The following RINL variants were observed in gnomAD, a reference collection of about 807,000 sequenced individuals.
RINL encodes the protein ras and Rab interactor-like protein.
In RINL, 39 loss-of-function variants were observed where a neutral mutation model predicts 58.1. That is an observed-to-expected ratio of 0.67 (90% CI 0.52 to 0.88). The LOEUF (loss-of-function observed/expected upper bound fraction) is 0.88. RINL is among the 40% of genes least tolerant of loss of function. The pLI is 0.00. For synonymous variants in RINL, 286 were observed against 323.1 expected, an observed-to-expected ratio of 0.89 and a Z score of 1.23; for missense variants, 711 against 749.2, an observed-to-expected ratio of 0.95 and a Z score of 0.60.
Position 38,870,588 on chromosome 19 carries a change from T to TG in RINL, c.1005dup (p.Lys336GlnfsTer152), listed in dbSNP as rs746936592. The TG allele has an allele frequency of 1.9e-6, 3 of 1,583,604 alleles. No homozygotes were observed. The highest frequency in any genetic ancestry group is 2.6e-6 in the Non-Finnish European group (3 of 1,165,000). ...CCATTACCTGGATCCTCGTCCTTCT[T>TG]GGGGAGCCCAGGACCCCTGCTTCCA... is the stretch of plus-strand genomic sequence containing the variant. On this transcript the variant is annotated frameshift_variant, in exon 8 of 12. Transcript: ENST00000591812. LOFTEE classifies it high-confidence loss of function. The surrounding 1 kb of genome is among the most constrained non-coding windows in gnomAD (Gnocchi z 5.8).
At position 38,870,536 on chromosome 19, in the gene RINL, AC is replaced by A; in HGVS notation, c.1024+33del. ...GGAGAGGACGAAGTTGCACACTTGA[AC>A]CCGTGGGGGCTCCCTTCCAGTCCTC... On this transcript the variant is annotated intron_variant, in intron 8 of 11. Transcript: ENST00000591812. This position sits in a 1 kb window ranked among gnomAD's most constrained non-coding sequence, Gnocchi z 5.8. 1 of 1,521,226 alleles carries A rather than the reference AC, an allele frequency of 6.6e-7. No individual in the cohort carries two copies. Among genetic ancestry groups the A allele is most frequent in the Non-Finnish European group, 8.8e-7 (1 of 1,135,848 alleles). 94.2% of individuals were successfully genotyped at this position (1,521,226 alleles called of 1,614,324 possible).
rs1360608880 is a variant in RINL, at chr19:38,869,206, G to T, written c.1639-40C>A. The T allele has an allele frequency of 5.0e-6, 8 of 1,613,952 alleles. No homozygotes were observed. The highest frequency in any genetic ancestry group is 4.0e-5 in the African/African-American group (3 of 74,912). On this transcript the variant is annotated intron_variant, in intron 11 of 11. Transcript: ENST00000591812. This position sits in a 1 kb window ranked among gnomAD's most constrained non-coding sequence, Gnocchi z 5.7. The stretch of plus-strand genomic sequence containing the variant: ...GGGAGCTGGGTCAGAAGGGCACCAG[G>T]TCTCACCCTCCCTTCTACTTGCAGC...
Position 38,871,780 on chromosome 19 carries a change from C to T in RINL, c.386+18G>A, listed in dbSNP as rs755829664. The T allele has an allele frequency of 6.2e-7, 1 of 1,613,862 alleles. No homozygotes were observed. Among genetic ancestry groups the T allele is most frequent in the Non-Finnish European group, 8.5e-7 (1 of 1,179,732 alleles). The stretch of plus-strand genomic sequence containing the variant: ...TAGGGAAGGGTCCCCCTTAGTGCCT[C>T]AGATGGGTGACCTGTACCTGCTGGC... On this transcript the variant is annotated intron_variant, in intron 5 of 11. Coordinates refer to ENST00000591812, the MANE Select transcript of RINL (RefSeq NM_001195833.2).
intron 4 of RINL, chr19:38,873,684 C>T (rs1453806541): frequency 2.2e-6 from 1 of 457,908 alleles, no homozygotes; most frequent in Admixed American, 3.4e-5. Flanking sequence ...CGTCACCAAG[C>T]CCGGCTAATT....
At position 38,873,860 on chromosome 19, in the gene RINL, C is replaced by T. The variant is rs918766666; in HGVS notation, c.313+26G>A. 5 of 1,371,966 alleles carry T rather than the reference C, an allele frequency of 3.6e-6. No homozygotes were observed. The African/African-American group carries it at 4.3e-5, about 12-fold the overall frequency. The allele number at this position is 1,371,966 out of a possible 1,614,324, so 85.0% of individuals were successfully genotyped here. On this transcript the variant is annotated intron_variant, in intron 4 of 11. Coordinates refer to ENST00000591812, the MANE Select transcript of RINL (RefSeq NM_001195833.2). ...TTCTTAGTGATCAATTGACTGTGGGCTGGAACCTCAGGGGAGGTGCCTTAC... is the reference window on the plus strand; with the variant it reads ...TTCTTAGTGATCAATTGACTGTGGGTTGGAACCTCAGGGGAGGTGCCTTAC...
chr19:38,877,214 C>T lies in RINL; in HGVS notation c.-39-433G>A, dbSNP rs141232908. Among the ~76,000 whole-genome samples the T allele has an allele frequency of 9.5e-3, 1,452 of 152,224 alleles. 21 individuals carry two copies. Among genetic ancestry groups the T allele is most frequent in the African/African-American group, 0.031 (1,268 of 41,514 alleles). ...ACAGGCATGAGCCACCACACCCGGC[C>T]GGCAGGGGTTAAATCTTTAGTACCG... On this transcript the variant is annotated intron_variant, in intron 1 of 11. Transcript: ENST00000591812.
chr19:38,870,112 C>T lies in RINL; in HGVS notation c.1173G>A (p.Gly391=), dbSNP rs771476548. The T allele has an allele frequency of 5.6e-6, 8 of 1,430,178 alleles. No individual in the cohort carries two copies. In the South Asian group the frequency reaches 1.0e-4, roughly 18 times the overall value. 88.6% of individuals were successfully genotyped at this position (1,430,178 alleles called of 1,614,324 possible). ...TALRAGAGPP[G]AQGPGPEGQS... ...GCCCTTCCGGTCCCGGCCCCTGTGC[C>T]CCCGGAGGCCCCGCCCCCGCCCGCA... The change falls in exon 9 of 12, where the codon GGG becomes GGA. Residue 391 remains glycine (G), a synonymous_variant. Transcript: ENST00000591812. This position sits in a 1 kb window ranked among gnomAD's most constrained non-coding sequence, Gnocchi z 5.8.
rs776874731 is a variant in RINL at position 38,870,936 on chromosome 19, C to A, written c.658G>T (p.Glu220Ter). Reference sequence around the variant, plus strand: ...AGAGCCGGCCCAGGATGGTCCACTTCCGGGCTGAGCGGGCCTTTCACCCAG... The same window carrying A: ...AGAGCCGGCCCAGGATGGTCCACTTACGGGCTGAGCGGGCCTTTCACCCAG... ...VSWVKGPLSP[E>*]VDHPGPALAS... The change falls in exon 8 of 12, where the codon GAA (glutamate) becomes TAA (stop). Residue 220 changes from glutamate to a stop codon, truncating the protein, a stop_gained. Transcript: ENST00000591812. LOFTEE classifies it high-confidence loss of function. The surrounding 1 kb of genome is among the most constrained non-coding windows in gnomAD (Gnocchi z 5.8). The A allele has an allele frequency of 6.2e-7, 1 of 1,605,464 alleles. No homozygotes were observed. The highest frequency in any genetic ancestry group is 1.1e-5 in the South Asian group (1 of 91,070).
chr19:38,876,686 G>T lies in RINL; in HGVS notation c.50+7C>A. The T allele has an allele frequency of 6.5e-7, 1 of 1,535,686 alleles. No individual in the cohort carries two copies. The highest frequency in any genetic ancestry group is 8.7e-7 in the Non-Finnish European group (1 of 1,146,506). The stretch of plus-strand genomic sequence containing the variant: ...GGAGGGCATAGCCTCAGCCCTAGTA[G>T]CCTCACCTCACCCCCTCTGTGGGGA... On this transcript the variant is annotated splice_region_variant and intron_variant, in intron 2 of 11. Coordinates refer to ENST00000591812, the MANE Select transcript of RINL (RefSeq NM_001195833.2).
chr19:38,876,327 T>C lies in RINL; in HGVS notation c.210+4A>G, dbSNP rs1280285602. 1.2e-5 allele frequency: 18 copies of C among 1,535,644 alleles called. No homozygotes were observed. Among genetic ancestry groups the C allele is most frequent in the Non-Finnish European group, 1.4e-5 (16 of 1,146,588 alleles). On this transcript the variant is annotated splice_donor_region_variant and intron_variant, in intron 3 of 11. Transcript: ENST00000591812. ...AGGATGGGCCCCCAGCTGTGAGTACTCACCCCTAGTGGCCACAGCCCCACA... is the reference window on the plus strand; with the variant it reads ...AGGATGGGCCCCCAGCTGTGAGTACCCACCCCTAGTGGCCACAGCCCCACA...
Position 38,868,681 on chromosome 19 carries a change from T to A in RINL, c.*423A>T, listed in dbSNP as rs1972725266. ...CCTCAAGCAAGATGCCAGACGTACC[T>A]GGGTCAGTCCAGACTCCTGACCTAT... On this transcript the variant is annotated 3_prime_UTR_variant, in exon 12 of 12. Transcript: ENST00000591812. 1 of 156,712 alleles carries A rather than the reference T, an allele frequency of 6.4e-6. No homozygotes were observed. Among genetic ancestry groups the A allele is most frequent in the African/African-American group, 2.4e-5 (1 of 41,538 alleles). The allele number at this position is 156,712 out of a possible 1,614,324, so 9.7% of individuals were successfully genotyped here.
At chr19:38,876,572 G>T in intron 2 of RINL, 82 bp from the exon 3 acceptor site, 3 of 1,461,068 alleles carry the variant, frequency 2.1e-6, no homozygotes, top group Non-Finnish European at 2.8e-6. Flanking sequence ...ACAGGAAGGG[G>T]CAGGCCCAGG....
Position 38,871,215 on chromosome 19 carries a change from A to C in RINL, c.464T>G (p.Ile155Ser), listed in dbSNP as rs1972807778. Reference protein sequence around the residue: ...PRDEHTDPVQIGRVQQDTPGK... With the variant: ...PRDEHTDPVQSGRVQQDTPGK... ...TGGGGTGTCCTGTTGGACCCTGCCG[A>C]TCTGCACAGGATCTGGAGCCAGCAG... The change falls in exon 7 of 12, where the codon ATC becomes AGC. Residue 155 changes from isoleucine (I) to serine (S), a missense_variant. Ile to Ser is a moderately radical substitution (Grantham distance 142). Coordinates refer to ENST00000591812, the MANE Select transcript of RINL (RefSeq NM_001195833.2). The C allele has an allele frequency of 1.2e-6, 2 of 1,613,818 alleles. No homozygotes were observed. Among genetic ancestry groups the C allele is most frequent in the African/African-American group, 2.7e-5 (2 of 74,890 alleles).
In RINL at chr19:38,871,284, C is replaced by A. The variant is rs556161207; in HGVS notation, c.452-57G>T. 185 of 1,592,948 alleles carry A rather than the reference C, an allele frequency of 1.2e-4. 2 individuals carry two copies. In the South Asian group the frequency reaches 2.0e-3, roughly 17 times the overall value. On this transcript the variant is annotated intron_variant, in intron 6 of 11. Transcript: ENST00000591812. ...GGTATCCAAGGGACCAACCCTGGTC[C>A]CCTCAAGGCGCCAGGAGACTTACTT...
chr19:38,873,978 A>G lies in RINL; in HGVS notation c.221T>C (p.Val74Ala), dbSNP rs1223661766. The G allele has an allele frequency of 1.2e-5, 18 of 1,533,774 alleles. No individual in the cohort carries two copies. The highest frequency in any genetic ancestry group is 1.5e-5 in the Non-Finnish European group (17 of 1,144,982). ...GGCCTGGCTGGGGTCACGTCCTGTG[A>G]CCAAGAAACTCTGGGGGATAGAGAC... ...VGLWPLGSFL[V>A]TGRDPSQALV... Residue 74 changes from valine (V) to alanine (A), a missense_variant, in exon 4 of 12, where the codon GTC becomes GCC. Val to Ala is a moderately conservative substitution (Grantham distance 64, BLOSUM62 0). Coordinates refer to ENST00000591812, the MANE Select transcript of RINL (RefSeq NM_001195833.2).
chr19:38,872,823 A>G (rs568868873), intron 4 of RINL, among the ~76,000 whole-genome samples: 4 of 152,320 alleles, frequency 2.6e-5, no homozygotes, highest in Admixed American at 1.3e-4. Flanking sequence ...ACACCTGTAT[A>G]CCTATGTAAC....
rs1972757645 is a variant in RINL at position 38,869,764 on chromosome 19, T to G, written c.1343-60A>C. On this transcript the variant is annotated intron_variant, in intron 9 of 11. Coordinates refer to ENST00000591812, the MANE Select transcript of RINL (RefSeq NM_001195833.2). This position sits in a 1 kb window ranked among gnomAD's most constrained non-coding sequence, Gnocchi z 5.7. Reference sequence around the variant, plus strand: ...CCCCATCTCAAGGCGCGTAGACACCTTCCATCCGATCCCCAGGACCACGAG... The same window carrying G: ...CCCCATCTCAAGGCGCGTAGACACCGTCCATCCGATCCCCAGGACCACGAG... 1 of 1,604,044 alleles carries G rather than the reference T, an allele frequency of 6.2e-7. No individual in the cohort carries two copies. The highest frequency in any genetic ancestry group is 1.3e-5 in the African/African-American group (1 of 74,548).
Position 38,869,538 on chromosome 19 carries a change from C to T in RINL, c.1474+35G>A, listed in dbSNP as rs1418645334. On this transcript the variant is annotated intron_variant, in intron 10 of 11. Coordinates refer to ENST00000591812, the MANE Select transcript of RINL (RefSeq NM_001195833.2). This position sits in a 1 kb window ranked among gnomAD's most constrained non-coding sequence, Gnocchi z 5.7. ...GTTTGGGATCCCGGAGGTACTGGAT[C>T]GCTGGGCTCCAGCATTCTGGAGTTG... 3 of 1,610,054 alleles carry T rather than the reference C, an allele frequency of 1.9e-6. No individual in the cohort carries two copies. Among genetic ancestry groups the T allele is most frequent in the African/African-American group, 1.3e-5 (1 of 74,872 alleles).
Position 38,870,766 on chromosome 19 carries a change from C to T in RINL, c.828G>A (p.Arg276=). The part of the protein sequence containing the change: ...LVRARSSYVA[R]QYRSLRVRIA... ...TGCGCACCCGAAGGCTTCGGTACTG[C>T]CTGGCCACGTAGCTGCTCCGGGCCC... Residue 276 remains arginine (R), a synonymous_variant, in exon 8 of 12, where the codon AGG becomes AGA. Coordinates refer to ENST00000591812, the MANE Select transcript of RINL (RefSeq NM_001195833.2). This position sits in a 1 kb window ranked among gnomAD's most constrained non-coding sequence, Gnocchi z 5.8. The T allele has an allele frequency of 3.1e-6, 5 of 1,613,142 alleles. No homozygotes were observed. The highest frequency in any genetic ancestry group is 2.2e-5 in the East Asian group (1 of 44,868).
Sources: gnomAD v4.1 joint callset for allele counts (sites outside exome capture counted in the v4.1 genomes callset) on GRCh38, gnomAD v4.1.1 for gene constraint, Gnocchi (gnomAD v3.1) non-coding constraint, MANE v1.5 for transcripts, NCBI Gene and HGNC (gene_info 2026-07-23, HGNC 2026-07-21) for gene names.